Variants in PCDHGC4 observed in about 807,000 individuals in gnomAD.
PCDHGC4 encodes protocadherin gamma subfamily C, 4, also known as protocadherin gamma-C4.
PCDHGC4 carries 15 observed loss-of-function variants against 59.7 expected under a neutral mutation model. The ratio of observed to expected loss-of-function variants is 0.25; its 90% CI spans 0.17 to 0.39. The LOEUF (loss-of-function observed/expected upper bound fraction) is 0.39, where lower values mean the gene tolerates loss of function less well. PCDHGC4 is among the 10% of genes least tolerant of loss of function. PCDHGC4 has a pLI of 1.00. For synonymous variants in PCDHGC4, 434 were observed against 481.4 expected (o/e 0.90, Z 1.29); for missense variants, 1,016 against 1,189.5 (o/e 0.85, Z 2.15).
At position 141,511,148 on chromosome 5, in the gene PCDHGC4, A is replaced by C; in HGVS notation, c.2792A>C (p.Lys931Thr). Residue 931 changes from lysine to threonine, a missense_variant, in exon 4 of 4, where the codon AAG (lysine) becomes ACG (threonine). Coordinates refer to ENST00000306593, the MANE Select transcript of PCDHGC4 (RefSeq NM_018928.3). ...APAGGNGNKKKSGKKEKK is the reference protein window; with the variant it reads ...APAGGNGNKKTSGKKEKK ...GCAGGTGGCAATGGCAACAAGAAGA[A>C]GTCGGGCAAGAAGGAGAAGAAGTAA... is the stretch of plus-strand genomic sequence containing the variant. The C allele has an allele frequency of 6.2e-7, 1 of 1,614,202 alleles. No individual in the cohort carries two copies. Among genetic ancestry groups the C allele is most frequent in the East Asian group, 2.2e-5 (1 of 44,882 alleles).
At chr5:141,504,738 C>G (rs2099840693) in intron 2 of PCDHGC4, among the ~76,000 whole-genome samples, 1 of 151,874 alleles carries the variant, frequency 6.6e-6, no homozygotes, top group Non-Finnish European at 1.5e-5. Flanking sequence ...GCTTAGGAAG[C>G]CATTGAATTT....
At chr5:141,509,454 G>T (rs1164813611) in intron 3 of PCDHGC4, among the ~76,000 whole-genome samples, 2 of 151,976 alleles carry the variant, frequency 1.3e-5, no homozygotes, top group African/African-American at 2.4e-5. Flanking sequence ...TCCCACCCCC[G>T]ACCCAGTCAG....
Position 141,510,866 on chromosome 5 carries a change from C to G in PCDHGC4, c.2591-81C>G. 1.9e-6 allele frequency: 3 copies of G among 1,607,908 alleles called. No homozygotes were observed. The East Asian group carries it at 6.7e-5, about 36-fold the overall frequency. ...AGGCCCAGGGTGCTGTATAGGCATT[C>G]ATTAACTGCTGGGGATATAAGACAG... On this transcript the variant is annotated intron_variant, in intron 3 of 3. Coordinates refer to ENST00000306593, the MANE Select transcript of PCDHGC4 (RefSeq NM_018928.3).
intron 3 of PCDHGC4, among the ~76,000 whole-genome samples, chr5:141,510,369 C>G (rs1403924479): frequency 7.1e-6 from 1 of 140,308 alleles, no homozygotes; most frequent in Non-Finnish European, 1.6e-5. Context: ...TACCGAATCT[C>G]TACTCGTGCC....
At chr5:141,510,910 A>T (rs780792326) in intron 3 of PCDHGC4, 37 bp from the exon 4 acceptor site, 1 of 1,613,740 alleles carries the variant, frequency 6.2e-7, no homozygotes, top group East Asian at 2.2e-5. Flanking sequence ...GAGGACCCTA[A>T]GTTTAGCTCC....
intron 2 of PCDHGC4, among the ~76,000 whole-genome samples, chr5:141,504,750 A>C (rs921495017): frequency 6.6e-6 from 1 of 151,894 alleles, no homozygotes; most frequent in Admixed American, 6.5e-5. Context: ...ATTGAATTTT[A>C]GAAATTTCTT....
intron 2 of PCDHGC4, among the ~76,000 whole-genome samples, chr5:141,497,483 C>T (rs1039341023): frequency 6.6e-6 from 1 of 150,378 alleles, no homozygotes; most frequent in Non-Finnish European, 1.5e-5. Context: ...AGGTGCGGAA[C>T]CTCTCTCTCT....
rs1594492695 is a variant in PCDHGC4 at position 141,485,536 on chromosome 5, A to G, written c.363A>G (p.Val121=). Residue 121 remains valine, a synonymous_variant, in exon 1 of 4, where the codon GTA becomes GTG. Transcript: ENST00000306593. The surrounding 1 kb of genome is among the most constrained non-coding windows in gnomAD (Gnocchi z 5.7). ...CTTTGGAAATGTACCGAGCAGAGGTAGAGATCGTAGATGTGAATGATCACG... is the reference window on the plus strand; with the variant it reads ...CTTTGGAAATGTACCGAGCAGAGGTGGAGATCGTAGATGTGAATGATCACG... The part of the protein sequence containing the change: ...EGPLEMYRAE[V]EIVDVNDHAP... 3 of 1,613,976 alleles carry G rather than the reference A, an allele frequency of 1.9e-6. No homozygotes were observed. The highest frequency in any genetic ancestry group is 2.5e-6 in the Non-Finnish European group (3 of 1,179,946).
Position 141,511,375 on chromosome 5 carries a change from A to G in PCDHGC4, c.*202A>G. 2 of 1,236,730 alleles carry G rather than the reference A, an allele frequency of 1.6e-6. No individual in the cohort carries two copies. The highest frequency in any genetic ancestry group is 2.2e-6 in the Non-Finnish European group (2 of 912,840). 76.6% of individuals were successfully genotyped at this position (1,236,730 alleles called of 1,614,324 possible). A position where few individuals can be genotyped will look rare whatever the true frequency, so the allele number is the denominator to read the frequency against. On this transcript the variant is annotated 3_prime_UTR_variant, in exon 4 of 4. Coordinates refer to ENST00000306593, the MANE Select transcript of PCDHGC4 (RefSeq NM_018928.3). ...CCCAGGGGGTTGAATATGCAAAAGCAGTTCCGCTGGGAACCCCCATCCAAT... is the reference window on the plus strand; with the variant it reads ...CCCAGGGGGTTGAATATGCAAAAGCGGTTCCGCTGGGAACCCCCATCCAAT...
At chr5:141,494,752 T>G (rs889400984) in intron 1 of PCDHGC4, 55 bp from the exon 2 acceptor site, 6 of 1,612,324 alleles carry the variant, frequency 3.7e-6, no homozygotes, top group East Asian at 2.2e-5. Flanking sequence ...GGGGCTCGGG[T>G]GACATTCTAA....
Position 141,485,979 on chromosome 5 carries a change from C to T in PCDHGC4, c.806C>T (p.Pro269Leu). Reference protein sequence around the residue: ...MVLIQLNASDPDLGPSGNVTF... With the variant: ...MVLIQLNASDLDLGPSGNVTF... ...CTCATCCAGCTCAATGCCTCAGACC[C>T]GGACCTGGGTCCCAGTGGTAACGTC... is the stretch of plus-strand genomic sequence containing the variant. Residue 269 changes from proline to leucine, a missense_variant, in exon 1 of 4, where the codon CCG becomes CTG. By Grantham distance (98) the Pro-to-Leu change is moderately conservative. Coordinates refer to ENST00000306593, the MANE Select transcript of PCDHGC4 (RefSeq NM_018928.3). The surrounding 1 kb of genome is among the most constrained non-coding windows in gnomAD (Gnocchi z 5.7). The T allele has an allele frequency of 1.2e-6, 2 of 1,614,182 alleles. No individual in the cohort carries two copies. The highest frequency in any genetic ancestry group is 1.7e-6 in the Non-Finnish European group (2 of 1,180,022).
intron 2 of PCDHGC4, among the ~76,000 whole-genome samples, chr5:141,504,118 G>A (rs948008198): frequency 6.6e-6 from 1 of 152,096 alleles, no homozygotes; most frequent in African/African-American, 2.4e-5. Flanking sequence ...GTGTGCCAGG[G>A]CTGTTTCCCG....
chr5:141,500,144 C>T (rs2099796717), intron 2 of PCDHGC4, among the ~76,000 whole-genome samples: 1 of 151,426 alleles, frequency 6.6e-6, no homozygotes, highest in South Asian at 2.1e-4. Context: ...CTAAACTTTT[C>T]TTTGTGTAAT....
chr5:141,496,772 T>C (rs994207358), intron 2 of PCDHGC4, among the ~76,000 whole-genome samples: 9 of 152,008 alleles, frequency 5.9e-5, no homozygotes, highest in African/African-American at 1.2e-4. Flanking sequence ...GCATCTACTA[T>C]GAGCAGGGCC....
At position 141,505,378 on chromosome 5, in the gene PCDHGC4, C is replaced by T. The variant is rs376550639; in HGVS notation, c.2502-15C>T. 2 of 1,614,034 alleles carry T rather than the reference C, an allele frequency of 1.2e-6. No homozygotes were observed. The highest frequency in any genetic ancestry group is 2.2e-5 in the East Asian group (1 of 44,872). On this transcript the variant is annotated splice_polypyrimidine_tract_variant and intron_variant, in intron 2 of 3. Transcript: ENST00000306593. ...GGCCTGGGAGTCTGTGCTCACCATC[C>T]TACTCTCTCCCCAGCTCCCAAAATG...
chr5:141,511,713 C>T lies in PCDHGC4; in HGVS notation c.*540C>T. 5.4e-6 allele frequency: 1 copy of T among 186,446 alleles called. No individual in the cohort carries two copies. Among genetic ancestry groups the T allele is most frequent in the Admixed American group, 5.3e-5 (1 of 18,840 alleles). The allele number at this position is 186,446 out of a possible 1,614,324, so 11.5% of individuals were successfully genotyped here. ...TTGGTGCCAGCCCCTTCACCTCCTT[C>T]CAGAGCCCAAGATCAATGCTCAAGT... On this transcript the variant is annotated 3_prime_UTR_variant, in exon 4 of 4. Transcript: ENST00000306593.
intron 3 of PCDHGC4, chr5:141,508,338 A>T (rs1245526252): frequency 1.3e-5 from 2 of 152,224 alleles, no homozygotes; most frequent in Non-Finnish European, 2.9e-5. Flanking sequence ...AACTGACTCT[A>T]CAGAAAGTCA....
chr5:141,491,850 T>C lies in PCDHGC4; in HGVS notation c.2443-2957T>C. ...CCCGATTCTCGGGATCATTGGACCG[T>C]TTGCGCGAAACCAGAGTGGCCGATT... On this transcript the variant is annotated intron_variant, in intron 1 of 3. Transcript: ENST00000306593. The surrounding 1 kb of genome is among the most constrained non-coding windows in gnomAD (Gnocchi z 6.9). 6.8e-7 allele frequency: 1 copy of C among 1,460,996 alleles called. No homozygotes were observed. The highest frequency in any genetic ancestry group is 2.5e-5 in the East Asian group (1 of 40,084). The allele number at this position is 1,460,996 out of a possible 1,614,324, so 90.5% of individuals were successfully genotyped here.
chr5:141,491,549 A>T lies in PCDHGC4; in HGVS notation c.2443-3258A>T, dbSNP rs748281587. 18 of 1,613,860 alleles carry T rather than the reference A, an allele frequency of 1.1e-5. No homozygotes were observed. In the East Asian group the frequency reaches 3.8e-4, roughly 34 times the overall value. On this transcript the variant is annotated intron_variant, in intron 1 of 3. Coordinates refer to ENST00000306593, the MANE Select transcript of PCDHGC4 (RefSeq NM_018928.3). This position sits in a 1 kb window ranked among gnomAD's most constrained non-coding sequence, Gnocchi z 6.9. Reference sequence around the variant, plus strand: ...GTGACGCTGCGGCCCACAGACTCGCAGAGCCACTGCTACAGGACGTGCTTT... The same window carrying T: ...GTGACGCTGCGGCCCACAGACTCGCTGAGCCACTGCTACAGGACGTGCTTT...
Sources: allele counts gnomAD v4.1 joint callset (sites outside exome capture counted in the v4.1 genomes callset), GRCh38; gene constraint gnomAD v4.1.1; non-coding constraint Gnocchi (gnomAD v3.1); transcripts MANE v1.5; gene names NCBI Gene and HGNC (gene_info 2026-07-23, HGNC 2026-07-21).